The following DGKI variants were observed in gnomAD, a reference collection of about 807,000 sequenced individuals.
The protein encoded by DGKI is diacylglycerol kinase iota.
Under a neutral mutation model 147.5 loss-of-function variants are expected in DGKI, and 55 were observed. The observed-to-expected ratio is 0.37, with a 90% confidence interval of 0.30 to 0.47. The LOEUF is 0.47. Among genes scored for constraint, DGKI ranks in the 20% least tolerant of loss-of-function variants. The pLI is 1.00. For missense variants in DGKI, 1,007 were observed against 1,323.8 expected, an observed-to-expected ratio of 0.76 and a Z score of 3.71; for synonymous variants, 469 against 477.1, an observed-to-expected ratio of 0.98 and a Z score of 0.22.
intron 6 of DGKI, among the ~76,000 whole-genome samples, chr7:137,637,256 C>T (rs1821345693): frequency 6.6e-6 from 1 of 152,230 alleles, no homozygotes; most frequent in African/African-American, 2.4e-5. Flanking sequence ...ACTTCATACA[C>T]ATAAATCTCA....
intron 1 of DGKI, among the ~76,000 whole-genome samples, chr7:137,706,261 G>A (rs977985524): frequency 6.6e-6 from 1 of 151,658 alleles, no homozygotes; most frequent in Non-Finnish European, 1.5e-5. Context: ...CAAACCACTG[G>A]GGTCTCCTCT....
At chr7:137,404,507 T>A (rs1356519632) in intron 30 of DGKI, among the ~76,000 whole-genome samples, 1 of 152,200 alleles carries the variant, frequency 6.6e-6, no homozygotes, top group Non-Finnish European at 1.5e-5. Context: ...ATCCTTGGAC[T>A]GAACATCATA....
chr7:137,716,181 T>C (rs930871456), intron 1 of DGKI, among the ~76,000 whole-genome samples: 7 of 152,212 alleles, frequency 4.6e-5, no homozygotes, highest in African/African-American at 1.4e-4. Context: ...ACGACTTTAA[T>C]AGGAAATTCA....
chr7:137,463,752 T>G, intron 26 of DGKI, 141 bp from the exon 27 acceptor site: 2 of 884,284 alleles, frequency 2.3e-6, no homozygotes, highest in Non-Finnish European at 3.4e-6. Context: ...ATACTACCCA[T>G]TTATTATTTC....
intron 28 of DGKI, among the ~76,000 whole-genome samples, chr7:137,413,154 C>G (rs1461601026): frequency 2.0e-5 from 3 of 151,220 alleles, no homozygotes; most frequent in Non-Finnish European, 2.9e-5. Context: ...GTAATCCCAG[C>G]TACTCGGGAG....
intron 1 of DGKI, among the ~76,000 whole-genome samples, chr7:137,764,202 CTT>C (rs1179295196): frequency 4.6e-5 from 7 of 151,758 alleles, no homozygotes; most frequent in Admixed American, 3.3e-4. Flanking sequence ...TCCTCTGACT[CTT>C]TGTCCAGGGT....
At chr7:137,647,036 T>A (rs768994105) in intron 5 of DGKI, among the ~76,000 whole-genome samples, 4 of 152,216 alleles carry the variant, frequency 2.6e-5, no homozygotes, top group Non-Finnish European at 5.9e-5. Context: ...AGTCTAATGT[T>A]TGTCTCACTT....
intron 20 of DGKI, among the ~76,000 whole-genome samples, chr7:137,550,807 TTAAC>T (rs1417266810): frequency 6.6e-6 from 1 of 152,222 alleles, no homozygotes; most frequent in Non-Finnish European, 1.5e-5. Context: ...GCATATCTTC[TTAAC>T]TATCTACAAG....
At position 137,387,730 on chromosome 7, in the gene DGKI, T is replaced by C. The variant is rs1811218081; in HGVS notation, c.*3490A>G. On this transcript the variant is annotated 3_prime_UTR_variant, in exon 33 of 33. Coordinates refer to ENST00000614521, the MANE Select transcript of DGKI (RefSeq NM_001321708.2). ...AGGGATGCCTTGACTGTGGATGTGA[T>C]ACTCATCTGTGGTATTAAAACATTT... The C allele has an allele frequency of 6.6e-6, 1 of 152,148 alleles. No homozygotes were observed. The allele number at this position is 152,148 out of a possible 1,614,324, so 9.4% of individuals were successfully genotyped here.
At chr7:137,515,265 T>C (rs1816710711) in intron 21 of DGKI, among the ~76,000 whole-genome samples, 1 of 152,198 alleles carries the variant, frequency 6.6e-6, no homozygotes, top group African/African-American at 2.4e-5. Context: ...TTACTTTCCT[T>C]TATAGCACTT....
intron 21 of DGKI, 149 bp from the exon 22 acceptor site, chr7:137,487,838 T>C (rs1815622667): frequency 2.9e-6 from 2 of 684,668 alleles, no homozygotes; most frequent in East Asian, 5.4e-5. Context: ...ACTTTCTCCC[T>C]ACACCTTTTT....
chr7:137,509,722 T>C (rs1816511372), intron 21 of DGKI, among the ~76,000 whole-genome samples: 1 of 152,092 alleles, frequency 6.6e-6, no homozygotes, highest in Admixed American at 6.5e-5. Flanking sequence ...GTTTCTGAGT[T>C]AGAATGTGTT....
intron 1 of DGKI, among the ~76,000 whole-genome samples, chr7:137,808,302 G>A (rs1245939924): frequency 6.6e-6 from 1 of 152,144 alleles, no homozygotes; most frequent in Non-Finnish European, 1.5e-5. Flanking sequence ...TATAAATACA[G>A]ACTTAATCAT....
chr7:137,502,485 G>A (rs865972814), intron 21 of DGKI, among the ~76,000 whole-genome samples: 5 of 151,444 alleles, frequency 3.3e-5, no homozygotes, highest in African/African-American at 4.9e-5. Context: ...AGGAGGAGAA[G>A]GAAGAGAAAA....
intron 20 of DGKI, among the ~76,000 whole-genome samples, chr7:137,545,202 T>C (rs1408065602): frequency 1.3e-5 from 2 of 152,162 alleles, no homozygotes; most frequent in Non-Finnish European, 2.9e-5. Context: ...AGCAAATTAA[T>C]TAATATGTAA....
intron 1 of DGKI, among the ~76,000 whole-genome samples, chr7:137,763,379 T>C (rs1451360528): frequency 1.3e-5 from 2 of 152,236 alleles, no homozygotes; most frequent in Non-Finnish European, 2.9e-5. Flanking sequence ...ACATCTGCTG[T>C]ATTTGCTCTA....
At chr7:137,645,559 T>A (rs1821795785) in intron 5 of DGKI, 22 bp from the exon 6 acceptor site, 1 of 1,602,702 alleles carries the variant, frequency 6.2e-7, no homozygotes, top group African/African-American at 1.3e-5. Context: ...CAAAATTAAA[T>A]GAATATTTTT....
intron 1 of DGKI, among the ~76,000 whole-genome samples, chr7:137,787,362 A>G (rs1251673153): frequency 1.3e-5 from 2 of 152,226 alleles, no homozygotes; most frequent in Non-Finnish European, 2.9e-5. Context: ...AAGCACAGGA[A>G]AAATGCTCAG....
At chr7:137,722,026 A>G (rs185293693) in intron 1 of DGKI, 6 of 1,585,742 alleles carry the variant, frequency 3.8e-6, no homozygotes, top group Non-Finnish European at 5.1e-6. Context: ...TACTAAAGAG[A>G]AGAAACCTGA....
Sources: allele counts gnomAD v4.1 joint callset (sites outside exome capture counted in the v4.1 genomes callset), GRCh38; gene constraint gnomAD v4.1.1; transcripts MANE v1.5; gene names NCBI Gene and HGNC (gene_info 2026-07-23, HGNC 2026-07-21).